MAF: variants seen among roughly 807,000 people sequenced by gnomAD.
The protein encoded by MAF is MAF bZIP transcription factor, also known as transcription factor Maf.
A neutral mutation model predicts 22.0 loss-of-function variants in MAF; 10 were observed. The observed-to-expected ratio is 0.45, with a 90% CI of 0.28 to 0.77. The LOEUF (loss-of-function observed/expected upper bound fraction) is 0.77, where lower values mean the gene tolerates loss of function less well. MAF is among the 30% of genes least tolerant of loss of function. MAF has a pLI of 0.12. For missense variants in MAF, 544 were observed against 548.4 expected (o/e 0.99, Z 0.08); for synonymous variants, 337 against 255.8 (o/e 1.32, Z -3.03).
downstream of MAF, among the ~76,000 whole-genome samples, chr16:79,590,380 G>T (rs1388033243): frequency 6.6e-6 from 1 of 152,168 alleles, no homozygotes; most frequent in Non-Finnish European, 1.5e-5. Flanking sequence ...GATGCTCCCC[G>T]GACCCTCTGC....
the MAF span, among the ~76,000 whole-genome samples, chr16:79,382,716 T>C: frequency 6.6e-6 from 1 of 152,198 alleles, no homozygotes; most frequent in African/African-American, 2.4e-5. Context: ...CTTCTGTTGA[T>C]CAGAGCATCA....
the MAF span, among the ~76,000 whole-genome samples, chr16:79,571,296 A>T: frequency 6.6e-6 from 1 of 152,000 alleles, no homozygotes; most frequent in Non-Finnish European, 1.5e-5. Context: ...GTGGCTTCCA[A>T]CTTCTCTTTT....
chr16:79,463,692 C>A, the MAF span, among the ~76,000 whole-genome samples: 1,221 of 152,020 alleles, frequency 8.0e-3, 18 homozygotes, highest in South Asian at 0.027. Context: ...TGGCATTGGA[C>A]GTGTAAATAG....
the MAF span, chr16:79,505,801 G>C: frequency 6.6e-6 from 1 of 152,266 alleles, no homozygotes; most frequent in Non-Finnish European, 1.5e-5. Flanking sequence ...ATGGGGATAG[G>C]GAGCTGGGGA....
the MAF span, among the ~76,000 whole-genome samples, chr16:79,426,152 G>A: frequency 6.6e-6 from 1 of 151,984 alleles, no homozygotes; most frequent in Non-Finnish European, 1.5e-5. Flanking sequence ...GTTATAGGGA[G>A]CCGAGATCGT....
chr16:79,544,009 G>T, the MAF span, among the ~76,000 whole-genome samples: 6 of 152,088 alleles, frequency 3.9e-5, no homozygotes, highest in Non-Finnish European at 5.9e-5. Flanking sequence ...CTTGTACCAA[G>T]GTAGAGAGAC....
At chr16:79,596,608 C>T (rs569640915) in intron 1 of MAF, 2 of 1,042,990 alleles carry the variant, frequency 1.9e-6, no homozygotes, top group South Asian at 4.6e-5. Context: ...AACAATTTTG[C>T]ACAGCAAAAT....
the MAF span, among the ~76,000 whole-genome samples, chr16:79,445,743 C>T: frequency 4.6e-5 from 7 of 152,244 alleles, no homozygotes; most frequent in African/African-American, 1.7e-4. Flanking sequence ...ATCCCTGTCT[C>T]ATCCAGGAGG....
the MAF span, among the ~76,000 whole-genome samples, chr16:79,405,497 C>T: frequency 7.9e-5 from 12 of 152,186 alleles, no homozygotes; most frequent in South Asian, 8.3e-4. Context: ...TCTATGTAAA[C>T]ATGGGGCATA....
At chr16:79,260,691 C>T in the MAF span, among the ~76,000 whole-genome samples, 7 of 152,130 alleles carry the variant, frequency 4.6e-5, no homozygotes, top group Admixed American at 2.0e-4. Flanking sequence ...GGCGAAGCAT[C>T]GGTGCCTGAT....
At chr16:79,291,573 A>T in the MAF span, among the ~76,000 whole-genome samples, 1 of 151,298 alleles carries the variant, frequency 6.6e-6, no homozygotes, top group African/African-American at 2.4e-5. Context: ...TCCTCCTCTG[A>T]ACCTATCTGG....
the MAF span, among the ~76,000 whole-genome samples, chr16:79,425,681 G>C: frequency 7.3e-6 from 1 of 136,166 alleles, no homozygotes; most frequent in African/African-American, 2.8e-5. Flanking sequence ...TTTTTTTTGA[G>C]ACGGAGTCTC....
chr16:79,549,282 GC>G, the MAF span, among the ~76,000 whole-genome samples: 6 of 152,144 alleles, frequency 3.9e-5, no homozygotes, highest in African/African-American at 1.4e-4. Context: ...GAGCAGAACA[GC>G]CCCATGAGGT....
chr16:79,488,388 G>T, the MAF span, among the ~76,000 whole-genome samples: 27 of 152,146 alleles, frequency 1.8e-4, no homozygotes, highest in Non-Finnish European at 2.9e-4. Context: ...GGGCGAGACT[G>T]CTTGGGATTG....
chr16:79,387,145 C>CCAG, the MAF span, among the ~76,000 whole-genome samples: 1 of 152,182 alleles, frequency 6.6e-6, no homozygotes, highest in Admixed American at 6.5e-5. Flanking sequence ...CTTTCAGAAG[C>CCAG]CAGCAGCAGC....
the MAF span, among the ~76,000 whole-genome samples, chr16:79,468,785 G>C: frequency 6.6e-6 from 1 of 152,158 alleles, no homozygotes; most frequent in East Asian, 1.9e-4. Context: ...AGAAACCAGA[G>C]AAGCCAGAGA....
the MAF span, among the ~76,000 whole-genome samples, chr16:79,360,631 G>T: frequency 6.6e-6 from 1 of 152,158 alleles, no homozygotes; most frequent in Non-Finnish European, 1.5e-5. Context: ...CTTTTATTTT[G>T]CAGCCAAGAG....
chr16:79,499,508 T>C, the MAF span, among the ~76,000 whole-genome samples: 1 of 152,164 alleles, frequency 6.6e-6, no homozygotes, highest in Middle Eastern at 3.2e-3. Context: ...TGAAATCCAA[T>C]CATCAATGTG....
At chr16:79,417,569 G>T in the MAF span, among the ~76,000 whole-genome samples, 1 of 152,178 alleles carries the variant, frequency 6.6e-6, no homozygotes, top group African/African-American at 2.4e-5. Flanking sequence ...AAAGGGGACA[G>T]ACAACCGAAG....
Sources: gnomAD v4.1 joint callset for allele counts (sites outside exome capture counted in the v4.1 genomes callset) on GRCh38, gnomAD v4.1.1 for gene constraint, MANE v1.5 for transcripts, NCBI Gene and HGNC (gene_info 2026-07-23, HGNC 2026-07-21) for gene names.